ADCY2: variants seen among roughly 807,000 people sequenced by gnomAD.
The protein encoded by ADCY2 is adenylate cyclase type 2.
Under a neutral mutation model 125.2 loss-of-function variants are expected in ADCY2, and 31 were observed. That is an observed-to-expected ratio of 0.25 (90% CI 0.19 to 0.33). The LOEUF (loss-of-function observed/expected upper bound fraction) is 0.33. Ranked by LOEUF, ADCY2 falls within the 10% of genes least tolerant of loss-of-function variation. The pLI is 1.00. For missense variants in ADCY2, 904 were observed against 1,418.2 expected, an observed-to-expected ratio of 0.64 and a Z score of 5.82; for synonymous variants, 512 against 548.4, an observed-to-expected ratio of 0.93 and a Z score of 0.93.
intron 2 of ADCY2, among the ~76,000 whole-genome samples, chr5:7,482,404 C>A (rs934614393): frequency 6.6e-6 from 1 of 152,074 alleles, no homozygotes; most frequent in Admixed American, 6.6e-5. Flanking sequence ...CATTCTTGAT[C>A]ATTTCCTTTG....
chr5:7,667,910 G>A (rs566230839), intron 4 of ADCY2, among the ~76,000 whole-genome samples: 19 of 152,246 alleles, frequency 1.2e-4, no homozygotes, highest in African/African-American at 4.6e-4. Flanking sequence ...TGTAGAACAA[G>A]GACTTCTTCT....
At chr5:7,572,540 T>A (rs1032478154) in intron 3 of ADCY2, among the ~76,000 whole-genome samples, 1 of 152,210 alleles carries the variant, frequency 6.6e-6, no homozygotes, top group Admixed American at 6.5e-5. Flanking sequence ...AGATGCTGGT[T>A]ATTAGACCTT....
intron 15 of ADCY2, among the ~76,000 whole-genome samples, chr5:7,745,373 T>G (rs1012512123): frequency 6.6e-6 from 1 of 152,218 alleles, no homozygotes; most frequent in Non-Finnish European, 1.5e-5. Context: ...TTTAGATGTT[T>G]CAAATTGTAT....
chr5:7,436,520 C>T (rs947806357), intron 2 of ADCY2, among the ~76,000 whole-genome samples: 3 of 152,092 alleles, frequency 2.0e-5, no homozygotes, highest in African/African-American at 7.2e-5. Flanking sequence ...ATAGTAAAAC[C>T]GTGATTGTAT....
chr5:7,753,822 C>G (rs1166201363), intron 15 of ADCY2, among the ~76,000 whole-genome samples: 2 of 152,216 alleles, frequency 1.3e-5, no homozygotes, highest in Non-Finnish European at 2.9e-5. Flanking sequence ...ACTGTCACCT[C>G]TCTGTTCTCT....
At chr5:7,475,528 C>T (rs932112823) in intron 2 of ADCY2, among the ~76,000 whole-genome samples, 4 of 152,060 alleles carry the variant, frequency 2.6e-5, no homozygotes, top group South Asian at 2.1e-4. Context: ...ATTACAGGCA[C>T]GCGCCAACAC....
chr5:7,735,292 C>A (rs1742216218), intron 14 of ADCY2, among the ~76,000 whole-genome samples: 1 of 152,194 alleles, frequency 6.6e-6, no homozygotes, highest in African/African-American at 2.4e-5. Context: ...AGTTTTACTT[C>A]TTCTTTTACA....
At chr5:7,405,079 A>G (rs368245347) in intron 1 of ADCY2, among the ~76,000 whole-genome samples, 2 of 152,198 alleles carry the variant, frequency 1.3e-5, no homozygotes, top group East Asian at 1.9e-4. Context: ...AGGCACCGTG[A>G]AGACCCTCTC....
intron 16 of ADCY2, among the ~76,000 whole-genome samples, chr5:7,763,730 T>G (rs1353117942): frequency 6.6e-6 from 1 of 152,180 alleles, no homozygotes; most frequent in Admixed American, 6.5e-5. Context: ...GGTGTTCCTT[T>G]TCTTCTGGAA....
At chr5:7,509,359 G>A (rs1047774659) in intron 2 of ADCY2, among the ~76,000 whole-genome samples, 16 of 152,186 alleles carry the variant, frequency 1.1e-4, no homozygotes, top group Non-Finnish European at 8.8e-5. Context: ...CACAGCCACC[G>A]TCCTTTCGCA....
chr5:7,788,211 G>A (rs1177841588), intron 19 of ADCY2, among the ~76,000 whole-genome samples: 3 of 152,096 alleles, frequency 2.0e-5, no homozygotes, highest in Admixed American at 6.6e-5. Flanking sequence ...ACAGAGTCTC[G>A]TTCTGTTTCC....
intron 2 of ADCY2, among the ~76,000 whole-genome samples, chr5:7,476,245 G>A (rs1742520158): frequency 6.6e-6 from 1 of 151,988 alleles, no homozygotes; most frequent in Non-Finnish European, 1.5e-5. Context: ...AAGTATGAAT[G>A]TTGGAGCTTG....
intron 7 of ADCY2, among the ~76,000 whole-genome samples, chr5:7,702,464 T>A (rs531556501): frequency 6.6e-6 from 1 of 151,290 alleles, no homozygotes; most frequent in African/African-American, 2.4e-5. Context: ...CACCTATGAG[T>A]GAGAACATGT....
At chr5:7,678,556 A>G (rs1366412) in intron 4 of ADCY2, among the ~76,000 whole-genome samples, 1 of 151,984 alleles carries the variant, frequency 6.6e-6, no homozygotes, top group Admixed American at 6.6e-5. Flanking sequence ...TAACATATAC[A>G]TATATATTTA....
chr5:7,707,832 C>A lies in ADCY2; in HGVS notation c.1395C>A (p.Asn465Lys). The change falls in exon 9 of 25, where the codon AAC becomes AAA. Residue 465 changes from asparagine to lysine, a missense_variant. By Grantham distance (94) the Asn-to-Lys change is moderately conservative (BLOSUM62 0). Transcript: ENST00000338316. ...TGGTGAAAACCTACTTTGTGATCAA[C>A]CCCAAGGTCAGTATCATTGTAAAGA... ...QHLVKTYFVI[N>K]PKGERRSPQH... is the part of the protein sequence containing the mutation. 2 of 1,613,984 alleles carry A rather than the reference C, an allele frequency of 1.2e-6. No individual in the cohort carries two copies. The highest frequency in any genetic ancestry group is 1.7e-6 in the Non-Finnish European group (2 of 1,179,964).
At chr5:7,591,998 AACTTTT>A (rs1736862039) in intron 3 of ADCY2, among the ~76,000 whole-genome samples, 1 of 152,162 alleles carries the variant, frequency 6.6e-6, no homozygotes, top group Non-Finnish European at 1.5e-5. Context: ...AGGAATGTTT[AACTTTT>A]ACTTTTAATA....
intron 15 of ADCY2, 89 bp from the exon 16 acceptor site, chr5:7,757,360 C>T (rs1743027018): frequency 6.7e-7 from 1 of 1,490,660 alleles, no homozygotes; most frequent in Admixed American, 1.9e-5. Context: ...AATGTTGGTG[C>T]TTCTTGTGGT....
chr5:7,550,213 C>G (rs1189754342), intron 3 of ADCY2, among the ~76,000 whole-genome samples: 1 of 152,164 alleles, frequency 6.6e-6, no homozygotes, highest in East Asian at 1.9e-4. Context: ...GGAACCCAAG[C>G]CTTCTTTGTT....
intron 2 of ADCY2, among the ~76,000 whole-genome samples, chr5:7,462,934 C>G (rs565041481): frequency 6.6e-6 from 1 of 152,250 alleles, no homozygotes; most frequent in African/African-American, 2.4e-5. Flanking sequence ...ACCTCCCTAG[C>G]TGATGCAGCA....
Sources: gnomAD v4.1 joint callset for allele counts (sites outside exome capture counted in the v4.1 genomes callset) on GRCh38, gnomAD v4.1.1 for gene constraint, MANE v1.5 for transcripts, NCBI Gene and HGNC (gene_info 2026-07-23, HGNC 2026-07-21) for gene names.